The following PCDHGA5 variants were observed in gnomAD, a reference collection of about 807,000 sequenced individuals.
PCDHGA5 encodes the protein protocadherin gamma-A5.
PCDHGA5 carries 36 observed loss-of-function variants against 56.7 expected under a neutral mutation model. That is an observed-to-expected ratio of 0.64 (90% CI 0.49 to 0.84). PCDHGA5 has a LOEUF of 0.84. PCDHGA5 is among the 40% of genes least tolerant of loss of function. PCDHGA5 has a pLI of 0.00. For synonymous variants in PCDHGA5, 563 were observed against 520.2 expected (o/e 1.08, Z -1.12); for missense variants, 1,305 against 1,201.5 (o/e 1.09, Z -1.27).
intron 1 of PCDHGA5, chr5:141,395,358 G>A: frequency 1.5e-6 from 2 of 1,346,158 alleles, no homozygotes; most frequent in Non-Finnish European, 9.9e-7. Context: ...ACAGAGTTTT[G>A]GGTTTATTTT....
At chr5:141,426,876 C>T (rs796453479) in intron 1 of PCDHGA5, 2 of 456,726 alleles carry the variant, frequency 4.4e-6, no homozygotes, top group African/African-American at 2.0e-5. Context: ...GGAGAAGCCC[C>T]TGGGCCAGGA....
chr5:141,489,089 A>C lies in PCDHGA5; in HGVS notation c.2422-5718A>C. 6 of 284,452 alleles carry C rather than the reference A, an allele frequency of 2.1e-5. No individual in the cohort carries two copies. The highest frequency in any genetic ancestry group is 5.7e-5 in the East Asian group (1 of 17,568). The allele number at this position is 284,452 out of a possible 1,614,324, so 17.6% of individuals were successfully genotyped here. A position where few individuals can be genotyped will look rare whatever the true frequency, so the allele number is the denominator to read the frequency against. Reference sequence around the variant, plus strand: ...CCCTGCCCACCCCCGCCACTCGGTGACTAAGAACTGCTGCAAGCAGGCAAA... The same window carrying C: ...CCCTGCCCACCCCCGCCACTCGGTGCCTAAGAACTGCTGCAAGCAGGCAAA... On this transcript the variant is annotated intron_variant, in intron 1 of 3. Transcript: ENST00000518069. This position sits in a 1 kb window ranked among gnomAD's most constrained non-coding sequence, Gnocchi z 4.5.
intron 2 of PCDHGA5, among the ~76,000 whole-genome samples, chr5:141,497,290 C>A (rs182104163): frequency 4.7e-4 from 72 of 152,184 alleles, no homozygotes; most frequent in Middle Eastern, 3.4e-3. Flanking sequence ...CTCTACCTAC[C>A]ACCACCCCAG....
chr5:141,387,763 A>T, intron 1 of PCDHGA5: 2 of 1,425,584 alleles, frequency 1.4e-6, no homozygotes, highest in South Asian at 1.5e-5. Context: ...GAAAAAGAAG[A>T]ATTTTTTCTT....
At chr5:141,366,925 T>G in intron 1 of PCDHGA5, 174 bp downstream of exon 1, 1 of 999,204 alleles carries the variant, frequency 1.0e-6, no homozygotes, top group Non-Finnish European at 1.4e-6. Context: ...TCAAATTCTG[T>G]TTTGGGAAGT....
rs1237743383 is a variant in PCDHGA5 at position 141,365,461 on chromosome 5, A to G, written c.1131A>G (p.Gly377=). 6.2e-7 allele frequency: 1 copy of G among 1,614,022 alleles called. No individual in the cohort carries two copies. The highest frequency in any genetic ancestry group is 1.7e-5 in the Admixed American group (1 of 60,020). Residue 377 remains glycine, a synonymous_variant, in exon 1 of 4, where the codon GGA becomes GGG. Transcript: ENST00000518069. ...ALFSVHDGDS[G]ENGEIACSIP... is the part of the protein sequence containing the mutation. ...TTAGCGTACATGATGGTGATTCTGGAGAAAATGGTGAGATTGCATGCTCTA... is the reference window on the plus strand; with the variant it reads ...TTAGCGTACATGATGGTGATTCTGGGGAAAATGGTGAGATTGCATGCTCTA...
At chr5:141,408,177 G>C (rs1359754385) in intron 1 of PCDHGA5, 3 of 1,534,464 alleles carry the variant, frequency 2.0e-6, no homozygotes, top group Non-Finnish European at 2.6e-6. Context: ...GGAAAAGCGG[G>C]GACCCAGCGA....
intron 1 of PCDHGA5, chr5:141,389,934 G>A (rs746045897): frequency 6.2e-7 from 1 of 1,614,064 alleles, no homozygotes; most frequent in East Asian, 2.2e-5. Flanking sequence ...TGACCTCCAG[G>A]CTGAGCTGCA....
intron 1 of PCDHGA5, chr5:141,404,104 T>C (rs2094485215): frequency 1.2e-6 from 2 of 1,613,640 alleles, no homozygotes; most frequent in East Asian, 2.2e-5. Flanking sequence ...AAGTTGTCTG[T>C]TCTATCCAGG....
Position 141,364,576 on chromosome 5 carries a change from C to A in PCDHGA5, c.246C>A (p.Gly82=). 1.2e-6 allele frequency: 2 copies of A among 1,614,210 alleles called. No individual in the cohort carries two copies. Among genetic ancestry groups the A allele is most frequent in the East Asian group, 4.5e-5 (2 of 44,886 alleles). The change falls in exon 1 of 4, where the codon GGC becomes GGA. Residue 82 remains glycine, a synonymous_variant. Coordinates refer to ENST00000518069, the MANE Select transcript of PCDHGA5 (RefSeq NM_018918.3). Reference sequence around the variant, plus strand: ...TTTTTGCCCTGAACCCGCGAAGCGGCAGCTTGGTCACCGCGGGCAGGATAG... The same window carrying A: ...TTTTTGCCCTGAACCCGCGAAGCGGAAGCTTGGTCACCGCGGGCAGGATAG... ...TQLFALNPRS[G]SLVTAGRIDR...
Position 141,432,632 on chromosome 5 carries a change from G to T in PCDHGA5, c.2422-62175G>T. ...CTTCTCGGTGGGTCTGCACACGGGCGAGGTGCGCACGGCGCGAGCCCTGCT... is the reference window on the plus strand; with the variant it reads ...CTTCTCGGTGGGTCTGCACACGGGCTAGGTGCGCACGGCGCGAGCCCTGCT... On this transcript the variant is annotated intron_variant, in intron 1 of 3. Transcript: ENST00000518069. This position sits in a 1 kb window ranked among gnomAD's most constrained non-coding sequence, Gnocchi z 6.0. The T allele has an allele frequency of 6.2e-7, 1 of 1,612,834 alleles. No homozygotes were observed. Among genetic ancestry groups the T allele is most frequent in the South Asian group, 1.1e-5 (1 of 90,976 alleles).
intron 1 of PCDHGA5, among the ~76,000 whole-genome samples, chr5:141,447,993 T>A (rs2098557542): frequency 6.6e-6 from 1 of 151,554 alleles, no homozygotes; most frequent in Non-Finnish European, 1.5e-5. Context: ...GGCTGAGGCA[T>A]GAGAATCGCT....
chr5:141,510,813 C>G, intron 3 of PCDHGA5, 134 bp from the exon 4 acceptor site: 2 of 1,537,024 alleles, frequency 1.3e-6, no homozygotes, highest in Non-Finnish European at 1.8e-6. Context: ...CTTGGTGACC[C>G]CTATATTCCC....
chr5:141,433,406 T>TC (rs397794347), intron 1 of PCDHGA5, among the ~76,000 whole-genome samples: 446 of 150,100 alleles, frequency 3.0e-3, no homozygotes, highest in African/African-American at 0.01. Context: ...TATCTATCTA[T>TC]TACTTTCTTG....
chr5:141,505,546 C>T (rs555460173), intron 3 of PCDHGA5, 65 bp downstream of exon 3: 36 of 1,608,242 alleles, frequency 2.2e-5, no homozygotes, highest in South Asian at 7.7e-5. Context: ...CATCTCACAG[C>T]CACCATGCCC....
Position 141,412,979 on chromosome 5 carries a change from C to G in PCDHGA5, c.2421+46228C>G, listed in dbSNP as rs2154544283. ...CACCTACTAGGAGAGAAAACGCAGCCAGAGCTCAATCCGGATTCTCAGGGC... is the reference window on the plus strand; with the variant it reads ...CACCTACTAGGAGAGAAAACGCAGCGAGAGCTCAATCCGGATTCTCAGGGC... On this transcript the variant is annotated intron_variant, in intron 1 of 3. Coordinates refer to ENST00000518069, the MANE Select transcript of PCDHGA5 (RefSeq NM_018918.3). 5.5e-6 allele frequency: 3 copies of G among 542,930 alleles called. No individual in the cohort carries two copies. In the East Asian group the frequency reaches 9.2e-5, roughly 17 times the overall value. 33.6% of individuals were successfully genotyped at this position (542,930 alleles called of 1,614,324 possible). A position where few individuals can be genotyped will look rare whatever the true frequency, so the allele number is the denominator to read the frequency against.
Position 141,487,397 on chromosome 5 carries a change from G to A in PCDHGA5, c.2422-7410G>A. 1 of 1,614,062 alleles carries A rather than the reference G, an allele frequency of 6.2e-7. No homozygotes were observed. Among genetic ancestry groups the A allele is most frequent in the Middle Eastern group, 1.6e-4 (1 of 6,062 alleles). Reference sequence around the variant, plus strand: ...TCTCACCAGATCTCGAAGGAGGGAGGGGCTTCCCCCTTCCAATGGGATCCT... The same window carrying A: ...TCTCACCAGATCTCGAAGGAGGGAGAGGCTTCCCCCTTCCAATGGGATCCT... On this transcript the variant is annotated intron_variant, in intron 1 of 3. Coordinates refer to ENST00000518069, the MANE Select transcript of PCDHGA5 (RefSeq NM_018918.3). This position sits in a 1 kb window ranked among gnomAD's most constrained non-coding sequence, Gnocchi z 5.0.
chr5:141,389,787 G>A, intron 1 of PCDHGA5: 1 of 1,613,328 alleles, frequency 6.2e-7, no homozygotes, highest in Non-Finnish European at 8.5e-7. Flanking sequence ...CGACAGGGAC[G>A]CCGTCCGCCA....
chr5:141,415,980 T>C, intron 1 of PCDHGA5: 1 of 348,656 alleles, frequency 2.9e-6, no homozygotes, highest in Non-Finnish European at 4.8e-6. Context: ...TAAGCAACCC[T>C]CTTGTTCTGA....
Sources: gnomAD v4.1 joint callset for allele counts (sites outside exome capture counted in the v4.1 genomes callset) on GRCh38, gnomAD v4.1.1 for gene constraint, Gnocchi (gnomAD v3.1) non-coding constraint, MANE v1.5 for transcripts, NCBI Gene and HGNC (gene_info 2026-07-23, HGNC 2026-07-21) for gene names.